APTX: variants seen among roughly 807,000 people sequenced by gnomAD.
The protein encoded by APTX is aprataxin.
Under a neutral mutation model 42.3 loss-of-function variants are expected in APTX, and 33 were observed. That is an observed-to-expected ratio of 0.78 (90% CI 0.59 to 1.04). APTX has a LOEUF of 1.04. APTX is among the 50% of genes least tolerant of loss of function. APTX has a pLI of 0.00. For missense variants in APTX, 421 were observed against 415.1 expected (o/e 1.01, Z -0.12); for synonymous variants, 130 against 146.7 (o/e 0.89, Z 0.82).
At chr9:33,020,474 C>G in intron 1 of APTX, among the ~76,000 whole-genome samples, 1 of 152,194 alleles carries the variant, frequency 6.6e-6, no homozygotes, top group East Asian at 1.9e-4. Context: ...CCATAAAAAC[C>G]TGCTAAGAAT....
At chr9:33,011,236 T>C (rs1345637540) in intron 1 of APTX, among the ~76,000 whole-genome samples, 2 of 152,108 alleles carry the variant, frequency 1.3e-5, no homozygotes, top group East Asian at 1.9e-4. Flanking sequence ...GTCATGTGGA[T>C]ATCTGGGTGA....
In APTX at chr9:32,984,879, A is replaced by T. The variant is rs145708168; in HGVS notation, c.544-22T>A. The T allele has an allele frequency of 9.8e-4, 1,553 of 1,591,592 alleles. 12 individuals are homozygous for T. The African/African-American group carries it at 0.018, about 18-fold the overall frequency. On this transcript the variant is annotated intron_variant, in intron 5 of 7. Transcript: ENST00000379817. The stretch of plus-strand genomic sequence containing the variant: ...AAACCTAGCAGAGGGATACAAGAGA[A>T]GGAAACAGACATCTACTAAGAATCT...
chr9:33,001,063 T>C (rs1587604014), intron 1 of APTX, among the ~76,000 whole-genome samples: 1 of 151,902 alleles, frequency 6.6e-6, no homozygotes, highest in Non-Finnish European at 1.5e-5. Flanking sequence ...GTCAGGCTGG[T>C]CTGGAACTCC....
intron 1 of APTX, among the ~76,000 whole-genome samples, chr9:32,994,160 TC>T (rs1834294130): frequency 6.6e-6 from 1 of 152,238 alleles, no homozygotes; most frequent in African/African-American, 2.4e-5. Flanking sequence ...AATAGAATTT[TC>T]TGCAATGACG....
At chr9:33,024,791 G>A (rs945819270) in intron 1 of APTX, 2 of 148,166 alleles carry the variant, frequency 1.3e-5, no homozygotes, top group Admixed American at 7.0e-5. Context: ...ATTGGTCTGG[G>A]GACTAGACCC....
At chr9:33,011,350 C>T (rs981191303) in intron 1 of APTX, among the ~76,000 whole-genome samples, 14 of 151,288 alleles carry the variant, frequency 9.3e-5, no homozygotes, top group African/African-American at 2.7e-4. Context: ...TGCAGTGGCA[C>T]GATCTTGGCT....
Position 32,972,993 on chromosome 9 carries a change from G to C in APTX, c.*505C>G, listed in dbSNP as rs1238202219. On this transcript the variant is annotated 3_prime_UTR_variant, in exon 8 of 8. Transcript: ENST00000379817. ...GGGATAGAAGGGCATGGAAGGACTG[G>C]ACAAACTAAGCCTCCCCATGAAGGA... The C allele has an allele frequency of 2.2e-6, 1 of 454,086 alleles. No individual in the cohort carries two copies. The highest frequency in any genetic ancestry group is 2.3e-5 in the Admixed American group (1 of 42,568). The allele number at this position is 454,086 out of a possible 1,614,324, so 28.1% of individuals were successfully genotyped here. A position where few individuals can be genotyped will look rare whatever the true frequency, so the allele number is the denominator to read the frequency against.
intron 1 of APTX, among the ~76,000 whole-genome samples, chr9:33,024,031 T>C (rs1838629855): frequency 1.3e-5 from 2 of 152,234 alleles, no homozygotes; most frequent in African/African-American, 2.4e-5. Flanking sequence ...ATTGCCACTT[T>C]CCCAAAGAAA....
Position 32,973,581 on chromosome 9 carries a change from G to T in APTX, c.946C>A (p.Pro316Thr). ...TGCTGGCACTCATGACAACGAAGGG[G>T]CAGCTTCAAGAGCTCAGGCATCCCA... is the stretch of plus-strand genomic sequence containing the variant. Reference protein sequence around the residue: ...RDGMPELLKLPLRCHECQQLL... With the variant: ...RDGMPELLKLTLRCHECQQLL... Residue 316 changes from proline to threonine, a missense_variant, in exon 8 of 8, where the codon CCC (proline) becomes ACC (threonine). Physicochemically the swap from Pro to Thr is conservative, Grantham distance 38. Coordinates refer to ENST00000379817, the MANE Select transcript of APTX (RefSeq NM_001195248.2). 2 of 1,613,950 alleles carry T rather than the reference G, an allele frequency of 1.2e-6. No homozygotes were observed. The highest frequency in any genetic ancestry group is 1.7e-6 in the Non-Finnish European group (2 of 1,179,970).
chr9:33,001,404 C>A, intron 1 of APTX, 163 bp downstream of exon 1: 1 of 1,535,322 alleles, frequency 6.5e-7, no homozygotes, highest in African/African-American at 1.4e-5. Flanking sequence ...TGAAACAGCC[C>A]AAGGTAGTAA....
At chr9:33,021,077 C>A (rs545293175) in intron 1 of APTX, among the ~76,000 whole-genome samples, 4 of 149,822 alleles carry the variant, frequency 2.7e-5, no homozygotes, top group Admixed American at 6.7e-5. Flanking sequence ...TGCAGTGAGC[C>A]GAGATGGCTC....
At chr9:33,006,975 G>C (rs893076775) in intron 1 of APTX, among the ~76,000 whole-genome samples, 1 of 125,738 alleles carries the variant, frequency 8.0e-6, no homozygotes, top group African/African-American at 3.0e-5. Flanking sequence ...ACTCTAGCCT[G>C]GGCGACAGAG....
Position 33,019,676 on chromosome 9 carries a change from C to T in APTX, c.-5+5347G>A, listed in dbSNP as rs557685418. On this transcript the variant is annotated intron_variant, in intron 1 of 6. Transcript: ENST00000436040. ...GCCTAGGAGGAGACGCAAGGTTAGACCTCGCCCCATTTTCCCAGGCCAGGC... is the reference window on the plus strand; with the variant it reads ...GCCTAGGAGGAGACGCAAGGTTAGATCTCGCCCCATTTTCCCAGGCCAGGC... 84 of 470,652 alleles carry T rather than the reference C, an allele frequency of 1.8e-4. 2 individuals carry two copies. In the South Asian group the frequency reaches 1.9e-3, roughly 11 times the overall value. The allele number at this position is 470,652 out of a possible 1,614,324, so 29.2% of individuals were successfully genotyped here. A position where few individuals can be genotyped will look rare whatever the true frequency, so the allele number is the denominator to read the frequency against.
chr9:32,998,056 G>C (rs868114050), intron 1 of APTX, among the ~76,000 whole-genome samples: 18 of 152,132 alleles, frequency 1.2e-4, no homozygotes, highest in African/African-American at 3.1e-4. Flanking sequence ...AGATGTTTAG[G>C]GGGTAAAACT....
chr9:33,006,215 G>A (rs1837126618), upstream of APTX, among the ~76,000 whole-genome samples: 1 of 151,850 alleles, frequency 6.6e-6, no homozygotes, highest in Admixed American at 6.6e-5. Context: ...GAGGCCAGGA[G>A]TTCAAGATCA....
rs1379254423 is a variant in APTX, at chr9:32,972,937, A to G, written c.*561T>C. 9 of 453,998 alleles carry G rather than the reference A, an allele frequency of 2.0e-5. No individual in the cohort carries two copies. In the Admixed American group the frequency reaches 2.1e-4, roughly 11 times the overall value. The allele number at this position is 453,998 out of a possible 1,614,324, so 28.1% of individuals were successfully genotyped here. A position where few individuals can be genotyped will look rare whatever the true frequency, so the allele number is the denominator to read the frequency against. On this transcript the variant is annotated 3_prime_UTR_variant, in exon 8 of 8. Transcript: ENST00000379817. ...TCACTGTGAAGAACTGATGAGACAG[A>G]ATTCCTGAGAAGGGAACATTTAGGT...
intron 6 of APTX, among the ~76,000 whole-genome samples, chr9:32,977,784 T>C (rs1002504615): frequency 2.0e-4 from 30 of 151,920 alleles, no homozygotes; most frequent in African/African-American, 7.0e-4. Flanking sequence ...GGAGCTGAGA[T>C]TGCACCACTG....
At chr9:33,001,715 C>G (rs17226699), upstream of APTX, 136,700 of 1,439,756 alleles carry the variant, frequency 0.095, 7,341 homozygotes, top group Non-Finnish European at 0.11. Context: ...ATCTTGCCCA[C>G]TTCCCAGATC....
chr9:32,999,886 G>A (rs1365152991), intron 1 of APTX, among the ~76,000 whole-genome samples: 1 of 152,182 alleles, frequency 6.6e-6, no homozygotes, highest in African/African-American at 2.4e-5. Context: ...CGTGAACCCG[G>A]GAGGCGGAGC....
Sources: gnomAD v4.1 joint callset for allele counts (sites outside exome capture counted in the v4.1 genomes callset) on GRCh38, gnomAD v4.1.1 for gene constraint, MANE v1.5 for transcripts, NCBI Gene and HGNC (gene_info 2026-07-23, HGNC 2026-07-21) for gene names.